The following TUBA8 variants were observed in gnomAD, a reference collection of about 807,000 sequenced individuals.
TUBA8 encodes tubulin alpha 8.
In TUBA8, 29 loss-of-function variants were observed where a neutral mutation model predicts 34.7. The ratio of observed to expected loss-of-function variants is 0.84; its 90% CI spans 0.62 to 1.14. The LOEUF (loss-of-function observed/expected upper bound fraction) is 1.14, where lower values mean the gene tolerates loss of function less well. Ranked by LOEUF, TUBA8 falls within the 50% of genes most tolerant of loss-of-function variation. The pLI is 0.00. For synonymous variants in TUBA8, 226 were observed against 231.2 expected, an observed-to-expected ratio of 0.98 and a Z score of 0.21; for missense variants, 541 against 599.2, an observed-to-expected ratio of 0.90 and a Z score of 1.01.
rs142709326 is a variant in TUBA8 at position 18,121,268 on chromosome 22, C to T, written c.4-211C>T. The T allele has an allele frequency of 3.2e-5, 19 of 590,494 alleles. No individual in the cohort carries two copies. The Admixed American group carries it at 5.1e-4, about 16-fold the overall frequency. 36.6% of individuals were successfully genotyped at this position (590,494 alleles called of 1,614,324 possible). A position where few individuals can be genotyped will look rare whatever the true frequency, so the allele number is the denominator to read the frequency against. ...ATAAAAGGTCAACCCTGGGAAGCAA[C>T]CTTTAGAGCAAAGCACAAAACAGCT... On this transcript the variant is annotated intron_variant, in intron 1 of 4. Transcript: ENST00000330423. The surrounding 1 kb of genome is among the most constrained non-coding windows in gnomAD (Gnocchi z 4.8).
chr22:18,123,455 C>T (rs1486012557), intron 2 of TUBA8: 1 of 152,846 alleles, frequency 6.5e-6, no homozygotes, highest in African/African-American at 2.4e-5. Flanking sequence ...CATGGTTTCA[C>T]CATGTTAGCC....
Position 18,124,452 on chromosome 22 carries a change from T to C in TUBA8, c.375+148T>C, listed in dbSNP as rs1928256364. 1.0e-6 allele frequency: 1 copy of C among 956,112 alleles called. No homozygotes were observed. The highest frequency in any genetic ancestry group is 2.7e-5 in the East Asian group (1 of 37,612). 59.2% of individuals were successfully genotyped at this position (956,112 alleles called of 1,614,324 possible). ...TTTGGGAATTTCTGCTTAAATTCTG[T>C]AAGAAGCATGCACAGGGGTGATGCC... On this transcript the variant is annotated intron_variant, in intron 3 of 4. Transcript: ENST00000330423. This position sits in a 1 kb window ranked among gnomAD's most constrained non-coding sequence, Gnocchi z 4.3.
Position 18,118,658 on chromosome 22 carries a change from T to C in TUBA8, c.4-2821T>C, listed in dbSNP as rs1423344574. On this transcript the variant is annotated intron_variant, in intron 1 of 4. Coordinates refer to ENST00000330423, the MANE Select transcript of TUBA8 (RefSeq NM_018943.3). The surrounding 1 kb of genome is among the most constrained non-coding windows in gnomAD (Gnocchi z 4.0). ...TACTTTTCACTTTTGAGAGCACCTA[T>C]GAATCTGTCAGTCATTTCTGAGTCT... is the stretch of plus-strand genomic sequence containing the variant. The C allele has an allele frequency of 6.6e-6, 1 of 152,242 alleles. No homozygotes were observed. Among genetic ancestry groups the C allele is most frequent in the Admixed American group, 6.5e-5 (1 of 15,284 alleles). 9.4% of individuals were successfully genotyped at this position (152,242 alleles called of 1,614,324 possible).
intron 1 of TUBA8, chr22:18,117,884 A>G (rs1928022496): frequency 6.6e-6 from 1 of 151,108 alleles, no homozygotes; most frequent in Admixed American, 6.6e-5. Context: ...GTTTTCTCTG[A>G]TATCACTGAA....
Position 18,126,550 on chromosome 22 carries a change from C to T in TUBA8, c.572C>T (p.Thr191Ile), listed in dbSNP as rs1387044937. 5 of 1,614,170 alleles carry T rather than the reference C, an allele frequency of 3.1e-6. No individual in the cohort carries two copies. The highest frequency in any genetic ancestry group is 4.2e-6 in the Non-Finnish European group (5 of 1,180,044). Residue 191 changes from threonine (T) to isoleucine (I), a missense_variant, in exon 4 of 5, where the codon ACC (threonine) becomes ATC (isoleucine). Transcript: ENST00000330423. This position sits in a 1 kb window ranked among gnomAD's most constrained non-coding sequence, Gnocchi z 4.0. ...GAGCCCTACAACTCCATCCTGACCACCCACACCACACTGGAACATTCAGAT... is the reference window on the plus strand; with the variant it reads ...GAGCCCTACAACTCCATCCTGACCATCCACACCACACTGGAACATTCAGAT... ...VVEPYNSILT[T>I]HTTLEHSDCA...
rs1442174490 is a variant in TUBA8 at position 18,121,566 on chromosome 22, C to T, written c.91C>T (p.Gln31Ter). 1 of 1,614,224 alleles carries T rather than the reference C, an allele frequency of 6.2e-7. No homozygotes were observed. Among genetic ancestry groups the T allele is most frequent in the Non-Finnish European group, 8.5e-7 (1 of 1,180,044 alleles). ...WELFCLEHGI[Q>*]ADGTFDAQAS... ...GCTCTTCTGCCTGGAACACGGCATC[C>T]AGGCAGACGGCACTTTTGATGCTCA... The change falls in exon 2 of 5, where the codon CAG becomes TAG. Residue 31 changes from glutamine to a stop codon, truncating the protein, a stop_gained. Transcript: ENST00000330423. LOFTEE classifies it high-confidence loss of function. The surrounding 1 kb of genome is among the most constrained non-coding windows in gnomAD (Gnocchi z 4.8).
At chr22:18,128,787 T>G (rs1365939354) in intron 4 of TUBA8, 1 of 152,250 alleles carries the variant, frequency 6.6e-6, no homozygotes, top group Non-Finnish European at 1.5e-5. Flanking sequence ...CCTCAGGTGA[T>G]CCACCTGCCT....
Position 18,110,873 on chromosome 22 carries a change from G to C in TUBA8, c.3+5G>C, listed in dbSNP as rs2123688935. On this transcript the variant is annotated splice_donor_5th_base_variant and intron_variant, in intron 1 of 4. Transcript: ENST00000330423. The surrounding 1 kb of genome is among the most constrained non-coding windows in gnomAD (Gnocchi z 6.2). The stretch of plus-strand genomic sequence containing the variant: ...GCGAGGACAGCGGCAGCGATGGTGA[G>C]GCTTCCCGGGGCCAGGCGGGCTGCG... The C allele has an allele frequency of 6.5e-7, 1 of 1,547,724 alleles. No individual in the cohort carries two copies. Among genetic ancestry groups the C allele is most frequent in the Non-Finnish European group, 8.7e-7 (1 of 1,153,348 alleles).
intron 4 of TUBA8, chr22:18,127,268 G>GT: frequency 1.9e-6 from 1 of 528,122 alleles, no homozygotes; most frequent in Admixed American, 3.4e-5. Context: ...TGATTAATTG[G>GT]TTAATCACCT....
chr22:18,113,112 T>C (rs761215175), intron 1 of TUBA8: 8 of 152,272 alleles, frequency 5.3e-5, no homozygotes, highest in Non-Finnish European at 1.0e-4. Context: ...TTTCTCTAGC[T>C]GCTAGGCAGA....
intron 4 of TUBA8, chr22:18,129,919 G>A (rs1259207123): frequency 6.6e-6 from 1 of 152,246 alleles, no homozygotes; most frequent in East Asian, 1.9e-4. Flanking sequence ...GAAGAAGAGA[G>A]ATTTCCAGGA....
In TUBA8 at chr22:18,110,950, A is replaced by C. The variant is rs1004916379; in HGVS notation, c.3+82A>C. 3.8e-4 allele frequency: 581 copies of C among 1,531,148 alleles called. No individual in the cohort carries two copies. Among genetic ancestry groups the C allele is most frequent in the Non-Finnish European group, 4.8e-4 (546 of 1,144,468 alleles). 94.8% of individuals were successfully genotyped at this position (1,531,148 alleles called of 1,614,324 possible). On this transcript the variant is annotated intron_variant, in intron 1 of 4. Coordinates refer to ENST00000330423, the MANE Select transcript of TUBA8 (RefSeq NM_018943.3). This position sits in a 1 kb window ranked among gnomAD's most constrained non-coding sequence, Gnocchi z 6.2. ...GCCGAGTCTACGCGGAGGCGCACGG[A>C]CCCGTCTTCCTGGAGCCGCAGGGCT...
At position 18,121,583 on chromosome 22, in the gene TUBA8, T is replaced by C; in HGVS notation, c.108T>C (p.Phe36=). The C allele has an allele frequency of 4.3e-6, 7 of 1,614,200 alleles. No homozygotes were observed. Among genetic ancestry groups the C allele is most frequent in the Non-Finnish European group, 5.9e-6 (7 of 1,180,030 alleles). The change falls in exon 2 of 5, where the codon TTT becomes TTC. Residue 36 remains phenylalanine (F), a synonymous_variant. Coordinates refer to ENST00000330423, the MANE Select transcript of TUBA8 (RefSeq NM_018943.3). The surrounding 1 kb of genome is among the most constrained non-coding windows in gnomAD (Gnocchi z 4.8). ...ACGGCATCCAGGCAGACGGCACTTT[T>C]GATGCTCAAGCTAGCAAGATCAACG... ...LEHGIQADGT[F]DAQASKINDD...
Position 18,121,238 on chromosome 22 carries a change from C to T in TUBA8, c.4-241C>T. On this transcript the variant is annotated intron_variant, in intron 1 of 4. Transcript: ENST00000330423. This position sits in a 1 kb window ranked among gnomAD's most constrained non-coding sequence, Gnocchi z 4.8. ...TGCAACCACCCTCCTTTTTTCTTTC[C>T]TGGTATAAAAGGTCAACCCTGGGAA... The T allele has an allele frequency of 1.9e-6, 1 of 525,516 alleles. No individual in the cohort carries two copies. Among genetic ancestry groups the T allele is most frequent in the Non-Finnish European group, 3.4e-6 (1 of 289,882 alleles). 32.6% of individuals were successfully genotyped at this position (525,516 alleles called of 1,614,324 possible).
In TUBA8 at chr22:18,121,829, C is replaced by T; in HGVS notation, c.226+128C>T. ...ATGGTGCAACCGCAGCCTCCCACCC[C>T]ACGTGACATCTGTCAGCTCCTTGGG... On this transcript the variant is annotated intron_variant, in intron 2 of 4. Coordinates refer to ENST00000330423, the MANE Select transcript of TUBA8 (RefSeq NM_018943.3). The surrounding 1 kb of genome is among the most constrained non-coding windows in gnomAD (Gnocchi z 4.8). 2.4e-6 allele frequency: 2 copies of T among 837,538 alleles called. No homozygotes were observed. The highest frequency in any genetic ancestry group is 3.8e-6 in the Non-Finnish European group (2 of 525,030). 51.9% of individuals were successfully genotyped at this position (837,538 alleles called of 1,614,324 possible).
chr22:18,128,237 C>T (rs1016511049), intron 4 of TUBA8: 3 of 152,212 alleles, frequency 2.0e-5, no homozygotes, highest in African/African-American at 7.2e-5. Flanking sequence ...TTGCCATTAA[C>T]CAGGAGTAAG....
chr22:18,121,554 G>C lies in TUBA8; in HGVS notation c.79G>C (p.Glu27Gln). The part of the protein sequence containing the change: ...GNACWELFCL[E>Q]HGIQADGTFD... Reference sequence around the variant, plus strand: ...TGCCTGCTGGGAGCTCTTCTGCCTGGAACACGGCATCCAGGCAGACGGCAC... The same window carrying C: ...TGCCTGCTGGGAGCTCTTCTGCCTGCAACACGGCATCCAGGCAGACGGCAC... Residue 27 changes from glutamate (E) to glutamine (Q), a missense_variant, in exon 2 of 5, where the codon GAA (glutamate) becomes CAA (glutamine). Glu to Gln is a conservative substitution (Grantham distance 29). Transcript: ENST00000330423. This position sits in a 1 kb window ranked among gnomAD's most constrained non-coding sequence, Gnocchi z 4.8. 1 of 1,614,202 alleles carries C rather than the reference G, an allele frequency of 6.2e-7. No homozygotes were observed. The highest frequency in any genetic ancestry group is 8.5e-7 in the Non-Finnish European group (1 of 1,180,048).
Position 18,131,002 on chromosome 22 carries a change from C to A in TUBA8, c.1216C>A (p.His406Asn), listed in dbSNP as rs1008686878. ...DLMYAKRAFVHWYVGEGMEEG... is the reference protein window; with the variant it reads ...DLMYAKRAFVNWYVGEGMEEG... ...CATGTACGCCAAGCGGGCCTTTGTG[C>A]ATTGGTATGTGGGAGAGGGGATGGA... The change falls in exon 5 of 5, where the codon CAT becomes AAT. Residue 406 changes from histidine (H) to asparagine (N), a missense_variant. Coordinates refer to ENST00000330423, the MANE Select transcript of TUBA8 (RefSeq NM_018943.3). The surrounding 1 kb of genome is among the most constrained non-coding windows in gnomAD (Gnocchi z 5.3). 5 of 1,614,046 alleles carry A rather than the reference C, an allele frequency of 3.1e-6. No homozygotes were observed. Among genetic ancestry groups the A allele is most frequent in the Non-Finnish European group, 4.2e-6 (5 of 1,180,012 alleles).
At position 18,118,345 on chromosome 22, in the gene TUBA8, G is replaced by C; in HGVS notation, c.4-3134G>C. The C allele has an allele frequency of 6.6e-6, 1 of 152,252 alleles. No homozygotes were observed. Among genetic ancestry groups the C allele is most frequent in the South Asian group, 2.1e-4 (1 of 4,832 alleles). The allele number at this position is 152,252 out of a possible 1,614,324, so 9.4% of individuals were successfully genotyped here. On this transcript the variant is annotated intron_variant, in intron 1 of 4. Coordinates refer to ENST00000330423, the MANE Select transcript of TUBA8 (RefSeq NM_018943.3). This position sits in a 1 kb window ranked among gnomAD's most constrained non-coding sequence, Gnocchi z 4.0. ...GGGCTGTCTGGATAGGGACAAATGA[G>C]TTTTTCTCTGGGGGTTTTCTTTGAG...
Sources: allele counts gnomAD v4.1 joint callset, GRCh38; gene constraint gnomAD v4.1.1; non-coding constraint Gnocchi (gnomAD v3.1); transcripts MANE v1.5; gene names NCBI Gene and HGNC (gene_info 2026-07-23, HGNC 2026-07-21).